Variants in ZKSCAN2 observed in about 807,000 individuals in gnomAD.
ZKSCAN2 encodes zinc finger protein with KRAB and SCAN domains 2.
In ZKSCAN2, 38 loss-of-function variants were observed where a neutral mutation model predicts 90.5. That is an observed-to-expected ratio of 0.42 (90% CI 0.32 to 0.55). ZKSCAN2 has a LOEUF of 0.55. Ranked by LOEUF, ZKSCAN2 falls within the 20% of genes least tolerant of loss-of-function variation. The pLI is 0.11. For synonymous variants in ZKSCAN2, 429 were observed against 421.6 expected (o/e 1.02, Z -0.22); for missense variants, 1,167 against 1,202.6 (o/e 0.97, Z 0.44).
intron 4 of ZKSCAN2, among the ~76,000 whole-genome samples, chr16:25,249,408 C>A (rs999929001): frequency 1.4e-4 from 21 of 152,194 alleles, no homozygotes; most frequent in African/African-American, 4.8e-4. Context: ...CTCAGACTCC[C>A]AAGTAGCTGG....
In ZKSCAN2 at chr16:25,255,267, G is replaced by A. The variant is rs780193211; in HGVS notation, c.525C>T (p.Leu175=). The A allele has an allele frequency of 1.2e-6, 2 of 1,613,336 alleles. No individual in the cohort carries two copies. The highest frequency in any genetic ancestry group is 1.1e-5 in the South Asian group (1 of 90,970). Residue 175 remains leucine, a synonymous_variant, in exon 2 of 7, where the codon CTC becomes CTT. Transcript: ENST00000328086. ...TCAGCTGTTCCTGGTGTCCTGAGTG[G>A]AGGCTTCCAGGTTCCTCCCGAGACA... ...RAVSREEPGS[L]HSGHQEQLNR... is the part of the protein sequence containing the mutation.
chr16:25,253,405 C>T (rs1963049854), intron 2 of ZKSCAN2, among the ~76,000 whole-genome samples: 1 of 151,824 alleles, frequency 6.6e-6, no homozygotes, highest in Admixed American at 6.6e-5. Context: ...CCTTCCCCAG[C>T]CTTCCTTTCC....
chr16:25,243,171 T>C (rs1213052042), intron 6 of ZKSCAN2, among the ~76,000 whole-genome samples: 1 of 152,172 alleles, frequency 6.6e-6, no homozygotes, highest in Non-Finnish European at 1.5e-5. Context: ...TTCATCCAAG[T>C]TTTTTCTCAT....
At chr16:25,242,402 C>T (rs1415703841) in intron 6 of ZKSCAN2, among the ~76,000 whole-genome samples, 1 of 152,164 alleles carries the variant, frequency 6.6e-6, no homozygotes, top group African/African-American at 2.4e-5. Flanking sequence ...GCTAGAGTCA[C>T]TTGCTTCAAT....
intron 5 of ZKSCAN2, among the ~76,000 whole-genome samples, chr16:25,245,216 C>T (rs777592921): frequency 8.5e-5 from 13 of 152,174 alleles, no homozygotes; most frequent in Non-Finnish European, 1.0e-4. Flanking sequence ...GCGACCCTCT[C>T]GCTTCAGCCT....
At chr16:25,254,962 AT>A (rs34441096) in intron 2 of ZKSCAN2, among the ~76,000 whole-genome samples, 113 of 145,326 alleles carry the variant, frequency 7.8e-4, no homozygotes, top group Middle Eastern at 3.6e-3. Context: ...CCTGGCTAAT[AT>A]TTTTTTTTTT....
At chr16:25,243,024 G>A (rs769455250) in intron 6 of ZKSCAN2, among the ~76,000 whole-genome samples, 5 of 152,186 alleles carry the variant, frequency 3.3e-5, no homozygotes, top group Non-Finnish European at 5.9e-5. Context: ...CCACGAGGGC[G>A]TAAGTCAGTG....
chr16:25,257,761 G>A lies in ZKSCAN2; in HGVS notation c.-634C>T, dbSNP rs1252980849. The A allele has an allele frequency of 1.3e-5, 2 of 153,062 alleles. No individual in the cohort carries two copies. The highest frequency in any genetic ancestry group is 2.9e-5 in the Non-Finnish European group (2 of 68,844). 9.5% of individuals were successfully genotyped at this position (153,062 alleles called of 1,614,324 possible). A position where few individuals can be genotyped will look rare whatever the true frequency, so the allele number is the denominator to read the frequency against. ...GCCCGGAAGGGAGAAGAGCTGCGGG[G>A]CGAAGCCAGGGCTCGCAGGGGGCAG... On this transcript the variant is annotated 5_prime_UTR_variant, in exon 1 of 7. Coordinates refer to ENST00000328086, the MANE Select transcript of ZKSCAN2 (RefSeq NM_001012981.5).
At position 25,239,765 on chromosome 16, in the gene ZKSCAN2, T is replaced by G; in HGVS notation, c.*51A>C. ...GCTAAGAAAAGATTGCTTCCAAGAA[T>G]GAGATTAGGGTAAAATGGCTAAGGG... is the stretch of plus-strand genomic sequence containing the variant. On this transcript the variant is annotated 3_prime_UTR_variant, in exon 7 of 7. Transcript: ENST00000328086. 304 of 1,443,448 alleles carry G rather than the reference T, an allele frequency of 2.1e-4. No homozygotes were observed. Among genetic ancestry groups the G allele is most frequent in the Middle Eastern group, 3.6e-4 (2 of 5,502 alleles). The allele number at this position is 1,443,448 out of a possible 1,614,324, so 89.4% of individuals were successfully genotyped here.
chr16:25,240,385 C>T lies in ZKSCAN2; in HGVS notation c.2335G>A (p.Val779Ile). The change falls in exon 7 of 7, where the codon GTC (valine) becomes ATC (isoleucine). Residue 779 changes from valine to isoleucine, a missense_variant. Transcript: ENST00000328086. ...CTTCTACCAAAGCACTTCCCACAGA[C>T]ACCACACTTGTAAGGATTCTCCTTG... is the stretch of plus-strand genomic sequence containing the variant. Reference protein sequence around the residue: ...HHKENPYKCGVCGKCFGRSRS... With the variant: ...HHKENPYKCGICGKCFGRSRS... 1 of 1,614,190 alleles carries T rather than the reference C, an allele frequency of 6.2e-7. No homozygotes were observed. Among genetic ancestry groups the T allele is most frequent in the Non-Finnish European group, 8.5e-7 (1 of 1,180,030 alleles).
Position 25,246,820 on chromosome 16 carries a change from C to G in ZKSCAN2, c.1376G>C (p.Ser459Thr), listed in dbSNP as rs750750284. The part of the protein sequence containing the change: ...RIAISAKEHI[S>T]LVEEEEAAED... The stretch of plus-strand genomic sequence containing the variant: ...TGCAGCTTCCTCCTCCTCCACCAAG[C>G]TGATGTGTTCCTTAGCACTGATGGC... Residue 459 changes from serine to threonine, a missense_variant, in exon 5 of 7, where the codon AGC becomes ACC. Ser to Thr is a moderately conservative substitution (Grantham distance 58). Coordinates refer to ENST00000328086, the MANE Select transcript of ZKSCAN2 (RefSeq NM_001012981.5). The G allele has an allele frequency of 6.2e-7, 1 of 1,614,200 alleles. No individual in the cohort carries two copies. Among genetic ancestry groups the G allele is most frequent in the South Asian group, 1.1e-5 (1 of 91,080 alleles).
chr16:25,245,965 G>C (rs1962927657), intron 5 of ZKSCAN2, among the ~76,000 whole-genome samples: 1 of 152,114 alleles, frequency 6.6e-6, no homozygotes, highest in South Asian at 2.1e-4. Flanking sequence ...GAAGCTCAAA[G>C]TAGTTACGTG....
chr16:25,236,206 C>G lies in ZKSCAN2; in HGVS notation c.*3610G>C, dbSNP rs1361844809. The G allele has an allele frequency of 6.6e-6, 1 of 152,274 alleles. No homozygotes were observed. Among genetic ancestry groups the G allele is most frequent in the Non-Finnish European group, 1.5e-5 (1 of 68,076 alleles). The allele number at this position is 152,274 out of a possible 1,614,324, so 9.4% of individuals were successfully genotyped here. On this transcript the variant is annotated 3_prime_UTR_variant, in exon 7 of 7. Coordinates refer to ENST00000328086, the MANE Select transcript of ZKSCAN2 (RefSeq NM_001012981.5). ...AGCCAGGGCTGCCCCAGCTCCCTCA[C>G]AGCTGTCTTGTCTGTCACTGGGCGC... is the stretch of plus-strand genomic sequence containing the variant.
rs1341589348 is a variant in ZKSCAN2 at position 25,237,866 on chromosome 16, T to C, written c.*1950A>G. On this transcript the variant is annotated 3_prime_UTR_variant, in exon 7 of 7. Transcript: ENST00000328086. Reference sequence around the variant, plus strand: ...TCTAGAGCTGGAATTCCAGAACATCTACACAATATAAACACAAGCCCACTG... The same window carrying C: ...TCTAGAGCTGGAATTCCAGAACATCCACACAATATAAACACAAGCCCACTG... The C allele has an allele frequency of 2.0e-5, 3 of 152,282 alleles. No individual in the cohort carries two copies. The highest frequency in any genetic ancestry group is 4.4e-5 in the Non-Finnish European group (3 of 68,058). 9.4% of individuals were successfully genotyped at this position (152,282 alleles called of 1,614,324 possible). A position where few individuals can be genotyped will look rare whatever the true frequency, so the allele number is the denominator to read the frequency against.
At position 25,243,895 on chromosome 16, in the gene ZKSCAN2, G is replaced by A. The variant is rs1377524053; in HGVS notation, c.1871C>T (p.Thr624Ile). 1 of 1,613,950 alleles carries A rather than the reference G, an allele frequency of 6.2e-7. No homozygotes were observed. The highest frequency in any genetic ancestry group is 8.5e-7 in the Non-Finnish European group (1 of 1,180,012). ...GTCTTCTATTACTGCCTCCTGTGAG[G>A]TCTCTTCAGGTTCCCAGCCTGTAGG... ...QEPTGWEPEETSQEAVIEDSC... is the reference protein window; with the variant it reads ...QEPTGWEPEEISQEAVIEDSC... The change falls in exon 6 of 7, where the codon ACC becomes ATC. Residue 624 changes from threonine to isoleucine, a missense_variant. Coordinates refer to ENST00000328086, the MANE Select transcript of ZKSCAN2 (RefSeq NM_001012981.5).
rs1466891528 is a variant in ZKSCAN2, at chr16:25,247,085, T to G, written c.1111A>C (p.Ser371Arg). The change falls in exon 5 of 7, where the codon AGC (serine) becomes CGC (arginine). Residue 371 changes from serine to arginine, a missense_variant. Ser to Arg is a moderately radical substitution (Grantham distance 110, BLOSUM62 -1). Transcript: ENST00000328086. Reference protein sequence around the residue: ...YETLQACPRNSQVYGAVAEWL... With the variant: ...YETLQACPRNRQVYGAVAEWL... The stretch of plus-strand genomic sequence containing the variant: ...TCAGCCACAGCACCATACACTTGGC[T>G]ATTTCGGGGACAGGCCTGAAGTGTT... 1.2e-6 allele frequency: 2 copies of G among 1,614,128 alleles called. No homozygotes were observed. The highest frequency in any genetic ancestry group is 2.7e-5 in the African/African-American group (2 of 74,938).
chr16:25,253,944 G>A (rs1208698556), intron 2 of ZKSCAN2, among the ~76,000 whole-genome samples: 1 of 152,244 alleles, frequency 6.6e-6, no homozygotes, highest in Non-Finnish European at 1.5e-5. Flanking sequence ...GGAGGCGGAG[G>A]TTGCTGTGAG....
intron 5 of ZKSCAN2, chr16:25,246,215 ATCTATTTTGTAT>A (rs1265265059): frequency 6.5e-6 from 1 of 154,386 alleles, no homozygotes; most frequent in East Asian, 1.9e-4. Flanking sequence ...CATCTGACTC[ATCTATTTTGTAT>A]TCTTTTTTCT....
At chr16:25,253,518 G>C (rs1285608919) in intron 2 of ZKSCAN2, among the ~76,000 whole-genome samples, 2 of 151,532 alleles carry the variant, frequency 1.3e-5, no homozygotes, top group Non-Finnish European at 1.5e-5. Context: ...TATAAATTTG[G>C]GGAGGCATAA....
Sources: allele counts gnomAD v4.1 joint callset (sites outside exome capture counted in the v4.1 genomes callset), GRCh38; gene constraint gnomAD v4.1.1; transcripts MANE v1.5; gene names NCBI Gene and HGNC (gene_info 2026-07-23, HGNC 2026-07-21).